Variants in KCTD1 observed in about 807,000 individuals in gnomAD.
The protein encoded by KCTD1 is BTB/POZ domain-containing protein KCTD1.
KCTD1 carries 24 observed loss-of-function variants against 66.0 expected under a neutral mutation model. That is an observed-to-expected ratio of 0.36 (90% confidence interval 0.26 to 0.51). The LOEUF is 0.51. Ranked by LOEUF, KCTD1 falls within the 20% of genes least tolerant of loss-of-function variation. The probability of loss-of-function intolerance (pLI) is 0.95; values close to 1 mark genes in which losing one functional copy is unlikely to be tolerated. For synonymous variants in KCTD1, 511 were observed against 517.2 expected (o/e 0.99, Z 0.16); for missense variants, 943 against 1,205.2 (o/e 0.78, Z 3.22).
At chr18:26,562,786 C>A (rs1040209940) in intron 1 of KCTD1, among the ~76,000 whole-genome samples, 1 of 152,078 alleles carries the variant, frequency 6.6e-6, no homozygotes, top group Non-Finnish European at 1.5e-5. Context: ...TTGTAGATGA[C>A]CTCTTCTCTG....
chr18:26,609,221 T>C (rs1241961967), intron 1 of KCTD1, among the ~76,000 whole-genome samples: 2 of 152,236 alleles, frequency 1.3e-5, no homozygotes, highest in South Asian at 2.1e-4. Flanking sequence ...CTTTATATGA[T>C]ACATTTATAT....
chr18:26,577,106 C>A (rs1473820680), intron 1 of KCTD1, among the ~76,000 whole-genome samples: 7 of 152,124 alleles, frequency 4.6e-5, no homozygotes, highest in African/African-American at 1.7e-4. Flanking sequence ...ACATTAATAA[C>A]CTTATATAAA....
At chr18:26,561,457 C>T (rs1246753094) in intron 1 of KCTD1, among the ~76,000 whole-genome samples, 1 of 152,136 alleles carries the variant, frequency 6.6e-6, no homozygotes, top group East Asian at 1.9e-4. Context: ...GCCCATGTCT[C>T]CAGGTGCCTA....
intron 2 of KCTD1, among the ~76,000 whole-genome samples, chr18:26,488,308 A>C (rs1982019365): frequency 6.6e-6 from 1 of 152,158 alleles, no homozygotes; most frequent in Non-Finnish European, 1.5e-5. Context: ...TATCATCAAA[A>C]TGATGATGTT....
intron 1 of KCTD1, among the ~76,000 whole-genome samples, chr18:26,637,275 T>C (rs752360166): frequency 3.3e-5 from 5 of 152,210 alleles, no homozygotes; most frequent in Non-Finnish European, 7.4e-5. Flanking sequence ...CCCATGCTCC[T>C]TCTGAACCCC....
rs1387250621 is a variant in KCTD1 at position 26,455,379 on chromosome 18, T to C, written c.*364A>G. The C allele has an allele frequency of 6.5e-6, 1 of 154,960 alleles. No homozygotes were observed. The highest frequency in any genetic ancestry group is 2.4e-5 in the African/African-American group (1 of 41,498). 9.6% of individuals were successfully genotyped at this position (154,960 alleles called of 1,614,324 possible). On this transcript the variant is annotated 3_prime_UTR_variant, in exon 5 of 5. Coordinates refer to ENST00000580059, the MANE Select transcript of KCTD1 (RefSeq NM_001142730.3). ...GATGGCTGTTGTTGGCAATGGAAAC[T>C]GTAAGGAGACTGTGTCCTCACCACT...
intron 1 of KCTD1, among the ~76,000 whole-genome samples, chr18:26,612,442 G>A (rs1987156791): frequency 6.6e-6 from 1 of 152,160 alleles, no homozygotes; most frequent in African/African-American, 2.4e-5. Context: ...TAGCTTATTA[G>A]AATGGGTCCT....
At position 26,547,513 on chromosome 18, in the gene KCTD1, C is replaced by G. The variant is rs1007990566; in HGVS notation, c.1024G>C (p.Gly342Arg). 6 of 1,551,558 alleles carry G rather than the reference C, an allele frequency of 3.9e-6. No individual in the cohort carries two copies. Among genetic ancestry groups the G allele is most frequent in the Non-Finnish European group, 5.2e-6 (6 of 1,146,992 alleles). ...DSFGLAMDED[G>R]RKFVYFKSLG... ...GACTTGAAGTAGACGAACTTGCGAC[C>G]GTCCTCGTCCATGGCCAGCCCAAAA... Residue 342 changes from glycine to arginine, a missense_variant, in exon 1 of 5, where the codon GGT becomes CGT. This residue lies in a region of KCTD1 where 66 missense variants were observed against 61.6 expected (regional missense o/e 1.07). Transcript: ENST00000580059.
At chr18:26,549,022 G>A (rs551807858), upstream of KCTD1, 3 of 985,200 alleles carry the variant, frequency 3.0e-6, no homozygotes, top group Admixed American at 1.2e-4. Flanking sequence ...GCCCCCCGGA[G>A]CCGGGGGGTC....
intron 1 of KCTD1, among the ~76,000 whole-genome samples, chr18:26,635,530 C>T (rs1398822262): frequency 6.6e-6 from 1 of 152,206 alleles, no homozygotes; most frequent in African/African-American, 2.4e-5. Flanking sequence ...GGAGCCTTCA[C>T]CCATCATGCA....
intron 3 of KCTD1, among the ~76,000 whole-genome samples, chr18:26,471,439 A>G (rs1039560107): frequency 6.6e-6 from 1 of 152,058 alleles, no homozygotes; most frequent in African/African-American, 2.4e-5. Context: ...TTAATTCTTG[A>G]AAAGCTTGGT....
At chr18:26,574,500 C>G (rs1039895793) in intron 1 of KCTD1, among the ~76,000 whole-genome samples, 3 of 152,172 alleles carry the variant, frequency 2.0e-5, no homozygotes, top group Non-Finnish European at 2.9e-5. Flanking sequence ...GAGGGCAGGC[C>G]TTTGAGTGCC....
At position 26,547,432 on chromosome 18, in the gene KCTD1, T is replaced by C. The variant is rs1212322596; in HGVS notation, c.1105A>G (p.Ser369Gly). The stretch of plus-strand genomic sequence containing the variant: ...CGGGGCAAGTTCTCCTCGTCGCTGC[T>C]CTCGGCGCGCTTCTTGCTCCACGAC... Reference protein sequence around the residue: ...SSSWSKKRAESSDEENLPRMY... With the variant: ...SSSWSKKRAEGSDEENLPRMY... The change falls in exon 1 of 5, where the codon AGC becomes GGC. Residue 369 changes from serine to glycine, a missense_variant. Around this residue, in one of 10 missense-constraint regions of KCTD1, gnomAD observed 66 missense variants for 61.6 expected, o/e 1.07. Coordinates refer to ENST00000580059, the MANE Select transcript of KCTD1 (RefSeq NM_001142730.3). 6.4e-7 allele frequency: 1 copy of C among 1,551,234 alleles called. No individual in the cohort carries two copies. The highest frequency in any genetic ancestry group is 8.7e-7 in the Non-Finnish European group (1 of 1,146,842).
chr18:26,475,228 T>C (rs1000846329), intron 3 of KCTD1, among the ~76,000 whole-genome samples: 26 of 152,348 alleles, frequency 1.7e-4, no homozygotes, highest in Admixed American at 7.2e-4. Flanking sequence ...AAATACTTTT[T>C]TTTAGCTATC....
At chr18:26,500,721 A>T (rs1256712002) in intron 2 of KCTD1, among the ~76,000 whole-genome samples, 1 of 152,196 alleles carries the variant, frequency 6.6e-6, no homozygotes. Context: ...ATCAGAACCT[A>T]TAAGAAAGCA....
chr18:26,656,793 G>C (rs1024325764), intron 1 of KCTD1, among the ~76,000 whole-genome samples: 1 of 150,704 alleles, frequency 6.6e-6, no homozygotes, highest in African/African-American at 2.4e-5. Context: ...TGTGCGCTTG[G>C]CTCTGGGCGC....
rs1980300823 is a variant in KCTD1 at position 26,459,695 on chromosome 18, ATTGACAGAG to A, written c.2355_2363del (p.Ser786_Asn788del). 2 of 1,613,760 alleles carry A rather than the reference ATTGACAGAG, an allele frequency of 1.2e-6. No individual in the cohort carries two copies. Among genetic ancestry groups the A allele is most frequent in the Non-Finnish European group, 1.7e-6 (2 of 1,179,782 alleles). ...GCGTCGAGTCGTGATTCCAGCCTGC[ATTGACAGAG>A]TTACACATCACGTCGCCGATCTCTG... On this transcript the variant is annotated inframe_deletion, in exon 4 of 5. Coordinates refer to ENST00000580059, the MANE Select transcript of KCTD1 (RefSeq NM_001142730.3).
At chr18:26,577,433 A>G (rs1986249920) in intron 1 of KCTD1, among the ~76,000 whole-genome samples, 1 of 152,188 alleles carries the variant, frequency 6.6e-6, no homozygotes, top group Non-Finnish European at 1.5e-5. Context: ...GATGGGGCTT[A>G]GGGAGGTAGT....
chr18:26,536,076 C>T (rs561234882), intron 1 of KCTD1, among the ~76,000 whole-genome samples: 352 of 151,912 alleles, frequency 2.3e-3, no homozygotes, highest in African/African-American at 7.6e-3. Context: ...AATGAAATCA[C>T]ATACAGGAAA....
Sources: allele counts gnomAD v4.1 joint callset (sites outside exome capture counted in the v4.1 genomes callset), GRCh38; gene constraint gnomAD v4.1.1; regional missense constraint gnomAD v4.1.1; transcripts MANE v1.5; gene names NCBI Gene and HGNC (gene_info 2026-07-23, HGNC 2026-07-21).